Variants in FHIT observed in about 807,000 individuals in gnomAD.
FHIT encodes the protein fragile histidine triad diadenosine triphosphatase, also known as bis(5'-adenosyl)-triphosphatase.
A neutral mutation model predicts 17.9 loss-of-function variants in FHIT; 19 were observed. The ratio of observed to expected loss-of-function variants is 1.06; its 90% CI spans 0.74 to 1.56. The LOEUF (loss-of-function observed/expected upper bound fraction) is 1.56. Among genes scored for constraint, FHIT ranks in the 40% most tolerant of loss-of-function variants. FHIT has a pLI of 0.00. For synonymous variants in FHIT, 81 were observed against 69.7 expected (o/e 1.16, Z -0.81); for missense variants, 248 against 189.2 (o/e 1.31, Z -1.82).
chr3:60,224,241 T>C (rs1212008464), intron 5 of FHIT, among the ~76,000 whole-genome samples: 2 of 152,156 alleles, frequency 1.3e-5, no homozygotes, highest in African/African-American at 4.8e-5. Flanking sequence ...GAATCCATTC[T>C]TCCTGGTTCC....
At chr3:60,190,576 G>A (rs373693568) in intron 5 of FHIT, among the ~76,000 whole-genome samples, 11 of 151,824 alleles carry the variant, frequency 7.2e-5, no homozygotes, top group South Asian at 6.3e-4. Context: ...TGGTGAAACC[G>A]TGTCTCTACT....
chr3:60,952,740 T>C (rs1553777596), intron 3 of FHIT, among the ~76,000 whole-genome samples: 1 of 152,194 alleles, frequency 6.6e-6, no homozygotes, highest in Non-Finnish European at 1.5e-5. Context: ...GTCTCATTCT[T>C]ATCATCAAGG....
intron 3 of FHIT, among the ~76,000 whole-genome samples, chr3:60,965,460 A>G (rs984629461): frequency 1.3e-5 from 2 of 152,168 alleles, no homozygotes; most frequent in Non-Finnish European, 1.5e-5. Flanking sequence ...TTCTCCATCC[A>G]GCTTTGTTCC....
At chr3:60,712,303 T>C (rs1245131838) in intron 4 of FHIT, among the ~76,000 whole-genome samples, 1 of 152,036 alleles carries the variant, frequency 6.6e-6, no homozygotes, top group Non-Finnish European at 1.5e-5. Context: ...GAACAACCGG[T>C]ACCAGCCGCT....
intron 5 of FHIT, among the ~76,000 whole-genome samples, chr3:60,490,292 G>A (rs385483): frequency 0.32 from 49,143 of 151,596 alleles, 9,091 homozygotes; most frequent in African/African-American, 0.49. Context: ...ATTAGACATC[G>A]TTACTGCTTC....
At chr3:60,478,905 T>C (rs917039847) in intron 5 of FHIT, among the ~76,000 whole-genome samples, 5 of 152,136 alleles carry the variant, frequency 3.3e-5, no homozygotes, top group East Asian at 3.9e-4. Context: ...GAGTGTGCTA[T>C]TGAAATGAAA....
intron 3 of FHIT, among the ~76,000 whole-genome samples, chr3:60,995,456 G>C (rs776012077): frequency 5.3e-5 from 8 of 152,114 alleles, no homozygotes; most frequent in Non-Finnish European, 1.0e-4. Flanking sequence ...CCAAACAGTT[G>C]AGCTGCCAAA....
At chr3:60,831,971 A>G (rs1332127141) in intron 3 of FHIT, among the ~76,000 whole-genome samples, 4 of 152,186 alleles carry the variant, frequency 2.6e-5, no homozygotes, top group African/African-American at 9.7e-5. Flanking sequence ...CCAGTTGAGC[A>G]GCTTCTTCTC....
chr3:61,219,320 T>C (rs1246027477), intron 1 of FHIT, among the ~76,000 whole-genome samples: 2 of 134,918 alleles, frequency 1.5e-5, no homozygotes, highest in Non-Finnish European at 3.1e-5. Flanking sequence ...TTTGTGTAAA[T>C]CTAAAAATGT....
intron 7 of FHIT, among the ~76,000 whole-genome samples, chr3:59,930,000 G>A (rs562659955): frequency 6.6e-6 from 1 of 152,184 alleles, no homozygotes; most frequent in African/African-American, 2.4e-5. Flanking sequence ...GCCAATATAG[G>A]ATGTGTGATC....
At chr3:59,837,629 C>A (rs770518392) in intron 8 of FHIT, among the ~76,000 whole-genome samples, 1 of 152,136 alleles carries the variant, frequency 6.6e-6, no homozygotes. Context: ...GTTGAGAGAA[C>A]TGGTTTTCTC....
intron 3 of FHIT, among the ~76,000 whole-genome samples, chr3:60,844,376 C>G (rs1702849058): frequency 1.3e-5 from 2 of 152,030 alleles, no homozygotes; most frequent in South Asian, 4.1e-4. Flanking sequence ...ATCATTGACT[C>G]TAGGGCAGGA....
At chr3:60,943,368 GTAA>G (rs567950866) in intron 3 of FHIT, among the ~76,000 whole-genome samples, 1 of 152,004 alleles carries the variant, frequency 6.6e-6, no homozygotes, top group Non-Finnish European at 1.5e-5. Context: ...CTCTTTATCT[GTAA>G]TAATATTTTT....
At chr3:61,137,201 T>C (rs944105797) in intron 2 of FHIT, among the ~76,000 whole-genome samples, 4 of 151,646 alleles carry the variant, frequency 2.6e-5, no homozygotes, top group African/African-American at 9.7e-5. Flanking sequence ...TCCCTGCTCC[T>C]TCCTTCTTCC....
intron 4 of FHIT, among the ~76,000 whole-genome samples, chr3:60,744,950 C>G (rs543424982): frequency 6.6e-6 from 1 of 152,172 alleles, no homozygotes; most frequent in South Asian, 2.1e-4. Context: ...AGTCCCTGTC[C>G]TTAGAAGTCC....
intron 3 of FHIT, among the ~76,000 whole-genome samples, chr3:60,852,272 A>G (rs1703185351): frequency 6.6e-6 from 1 of 152,214 alleles, no homozygotes; most frequent in Non-Finnish European, 1.5e-5. Flanking sequence ...TGATCATTGG[A>G]CAGAAACTAC....
chr3:60,551,260 A>G (rs241685), intron 4 of FHIT, among the ~76,000 whole-genome samples: 1 of 150,448 alleles, frequency 6.6e-6, no homozygotes, highest in Non-Finnish European at 1.5e-5. Context: ...ACTCGTGATA[A>G]CAAAGATTCA....
At chr3:60,045,383 G>C (rs1251791988) in intron 5 of FHIT, among the ~76,000 whole-genome samples, 2 of 152,010 alleles carry the variant, frequency 1.3e-5, no homozygotes, top group Non-Finnish European at 2.9e-5. Context: ...TACATGGATG[G>C]CAGCAGGCAA....
intron 5 of FHIT, among the ~76,000 whole-genome samples, chr3:60,425,471 C>T (rs913016480): frequency 6.6e-6 from 1 of 152,076 alleles, no homozygotes; most frequent in Non-Finnish European, 1.5e-5. Flanking sequence ...AATCTGTACA[C>T]TAAACCCTTA....
Sources: allele counts gnomAD v4.1 joint callset (sites outside exome capture counted in the v4.1 genomes callset), GRCh38; gene constraint gnomAD v4.1.1; transcripts MANE v1.5; gene names NCBI Gene and HGNC (gene_info 2026-07-23, HGNC 2026-07-21).